CTNNA2: variants seen among roughly 807,000 people sequenced by gnomAD.
The protein encoded by CTNNA2 is catenin alpha 2.
Under a neutral mutation model 101.0 loss-of-function variants are expected in CTNNA2, and 42 were observed. The observed-to-expected ratio is 0.42, with a 90% CI of 0.32 to 0.54. The LOEUF (loss-of-function observed/expected upper bound fraction) is 0.54. Ranked by LOEUF, CTNNA2 falls within the 20% of genes least tolerant of loss-of-function variation. CTNNA2 has a pLI of 0.14. For missense variants in CTNNA2, 871 were observed against 1,223.1 expected, an observed-to-expected ratio of 0.71 and a Z score of 4.29; for synonymous variants, 450 against 456.4, an observed-to-expected ratio of 0.99 and a Z score of 0.18.
At chr2:79,822,419 T>G (rs1678084758) in intron 3 of CTNNA2, among the ~76,000 whole-genome samples, 1 of 152,194 alleles carries the variant, frequency 6.6e-6, no homozygotes, top group Non-Finnish European at 1.5e-5. Flanking sequence ...CAAATATGAA[T>G]ATTTATGCTT....
At chr2:80,634,807 G>T (rs2149838896) in intron 18 of CTNNA2, among the ~76,000 whole-genome samples, 1 of 152,274 alleles carries the variant, frequency 6.6e-6, no homozygotes, top group Non-Finnish European at 1.5e-5. Flanking sequence ...CATGATGGCA[G>T]ATTAGATGTT....
At chr2:79,358,524 G>T (rs550343086) in intron 3 of CTNNA2, among the ~76,000 whole-genome samples, 1 of 152,178 alleles carries the variant, frequency 6.6e-6, no homozygotes, top group Admixed American at 6.6e-5. Flanking sequence ...TCAACATACG[G>T]TTTATTTTTA....
At chr2:79,829,447 G>A (rs1558559946) in intron 3 of CTNNA2, among the ~76,000 whole-genome samples, 1 of 149,472 alleles carries the variant, frequency 6.7e-6, no homozygotes, top group South Asian at 2.2e-4. Context: ...GCGGGCGCCT[G>A]TAGTCCCAGC....
chr2:80,469,792 T>A (rs1685143350), intron 9 of CTNNA2, among the ~76,000 whole-genome samples: 1 of 152,128 alleles, frequency 6.6e-6, no homozygotes, highest in Admixed American at 6.5e-5. Flanking sequence ...AAGGGGCTTA[T>A]GACATTGGTT....
intron 3 of CTNNA2, among the ~76,000 whole-genome samples, chr2:79,760,689 C>T (rs1409313021): frequency 6.6e-6 from 1 of 152,176 alleles, no homozygotes; most frequent in East Asian, 1.9e-4. Flanking sequence ...ATAAACTAAC[C>T]ATCACAATAG....
chr2:79,214,996 A>T (rs1572982538), intron 2 of CTNNA2, among the ~76,000 whole-genome samples: 1 of 152,148 alleles, frequency 6.6e-6, no homozygotes, highest in Admixed American at 6.5e-5. Flanking sequence ...GGACGGACTT[A>T]CCTTCCACTG....
intron 2 of CTNNA2, among the ~76,000 whole-genome samples, chr2:79,257,987 C>T (rs1674870657): frequency 6.6e-6 from 1 of 152,086 alleles, no homozygotes; most frequent in Non-Finnish European, 1.5e-5. Context: ...TGTCTAACTC[C>T]AATTTCTGCC....
At chr2:79,215,396 T>G (rs1049845061) in intron 2 of CTNNA2, among the ~76,000 whole-genome samples, 1 of 152,212 alleles carries the variant, frequency 6.6e-6, no homozygotes, top group African/African-American at 2.4e-5. Context: ...GGCAAAGAAT[T>G]GCAACTGAGA....
At chr2:80,092,838 A>G (rs369112938) in intron 7 of CTNNA2, among the ~76,000 whole-genome samples, 3 of 152,202 alleles carry the variant, frequency 2.0e-5, no homozygotes, top group Admixed American at 6.5e-5. Flanking sequence ...ATAAACTTAG[A>G]TGATTTGAAA....
chr2:79,306,170 A>C (rs963627966), intron 2 of CTNNA2, among the ~76,000 whole-genome samples: 4 of 152,210 alleles, frequency 2.6e-5, no homozygotes, highest in South Asian at 2.1e-4. Flanking sequence ...ACTTAACTGC[A>C]GAATCTAAAG....
At chr2:79,757,083 A>C (rs985542946) in intron 3 of CTNNA2, among the ~76,000 whole-genome samples, 1 of 152,200 alleles carries the variant, frequency 6.6e-6, no homozygotes, top group African/African-American at 2.4e-5. Context: ...TGCTGATTTG[A>C]AAACATCTAT....
intron 1 of CTNNA2, among the ~76,000 whole-genome samples, chr2:79,635,137 A>G (rs544322232): frequency 5.9e-5 from 9 of 152,252 alleles, no homozygotes; most frequent in Admixed American, 5.9e-4. Flanking sequence ...TGGTGGAGAG[A>G]GAAAGAAGAG....
chr2:80,456,246 G>A (rs1205195135), intron 9 of CTNNA2, among the ~76,000 whole-genome samples: 1 of 152,162 alleles, frequency 6.6e-6, no homozygotes. Flanking sequence ...GTAATAAAAA[G>A]TTACTTGCTT....
At chr2:79,742,073 G>A (rs1671325612) in intron 2 of CTNNA2, among the ~76,000 whole-genome samples, 1 of 152,034 alleles carries the variant, frequency 6.6e-6, no homozygotes, top group African/African-American at 2.4e-5. Context: ...TTTTTCTTAG[G>A]AACTTCCTGG....
intron 3 of CTNNA2, among the ~76,000 whole-genome samples, chr2:79,332,258 AT>A (rs1162136780): frequency 1.3e-5 from 2 of 151,238 alleles, no homozygotes; most frequent in African/African-American, 4.9e-5. Flanking sequence ...GGAAGAGTAT[AT>A]TTTAACCTCA....
At chr2:79,290,061 C>G (rs902367456) in intron 2 of CTNNA2, among the ~76,000 whole-genome samples, 1 of 152,066 alleles carries the variant, frequency 6.6e-6, no homozygotes. Context: ...TACTCAGGTG[C>G]CCACTGTGCA....
At chr2:80,477,727 A>ATGTGTG (rs35938297) in intron 9 of CTNNA2, among the ~76,000 whole-genome samples, 3,750 of 143,876 alleles carry the variant, frequency 0.026, 168 homozygotes, top group African/African-American at 0.089. Context: ...CATGGTGTGA[A>ATGTGTG]TGTGTGTGTG....
chr2:80,334,896 C>G (rs1048688709), intron 7 of CTNNA2, among the ~76,000 whole-genome samples: 1 of 152,212 alleles, frequency 6.6e-6, no homozygotes. Flanking sequence ...GTGAGAATAT[C>G]ATTCCCTCAA....
chr2:79,622,960 G>T (rs1679088800), intron 1 of CTNNA2, among the ~76,000 whole-genome samples: 1 of 152,148 alleles, frequency 6.6e-6, no homozygotes, highest in African/African-American at 2.4e-5. Flanking sequence ...GTTTTTAACT[G>T]CTTACAAGTT....
Sources: allele counts gnomAD v4.1 joint callset (sites outside exome capture counted in the v4.1 genomes callset), GRCh38; gene constraint gnomAD v4.1.1; transcripts MANE v1.5; gene names NCBI Gene and HGNC (gene_info 2026-07-23, HGNC 2026-07-21).